SLC16A11: variants seen among roughly 807,000 people sequenced by gnomAD.
SLC16A11 encodes monocarboxylate transporter 11.
SLC16A11 carries 24 observed loss-of-function variants against 26.0 expected under a neutral mutation model. The ratio of observed to expected loss-of-function variants is 0.92; its 90% CI spans 0.67 to 1.30. The LOEUF (loss-of-function observed/expected upper bound fraction) is 1.30, where lower values mean the gene tolerates loss of function less well. Ranked by LOEUF, SLC16A11 falls within the 50% of genes most tolerant of loss-of-function variation. The pLI is 0.00. For synonymous variants in SLC16A11, 332 were observed against 296.0 expected, an observed-to-expected ratio of 1.12 and a Z score of -1.25; for missense variants, 638 against 597.7, an observed-to-expected ratio of 1.07 and a Z score of -0.70.
At position 7,043,302 on chromosome 17, in the gene SLC16A11, C is replaced by A. The variant is rs765435368; in HGVS notation, c.202+10G>T. ...CCCGTTCCTGTCTCCCGCCTCAGGG[C>A]CCCCCTCACTGGCTGCCTGCTGCAC... On this transcript the variant is annotated intron_variant, in intron 2 of 4. Coordinates refer to ENST00000574600, the MANE Select transcript of SLC16A11 (RefSeq NM_001370549.1). 4 of 1,599,224 alleles carry A rather than the reference C, an allele frequency of 2.5e-6. No individual in the cohort carries two copies. Among genetic ancestry groups the A allele is most frequent in the South Asian group, 2.2e-5 (2 of 90,330 alleles).
At chr17:7,043,673 C>T (rs1910877588) in intron 1 of SLC16A11, 102 bp downstream of exon 1, 4 of 1,438,644 alleles carry the variant, frequency 2.8e-6, no homozygotes, top group Non-Finnish European at 3.6e-6. Context: ...CGGAGCCTGG[C>T]CTAGGGCTGG....
chr17:7,042,806 C>T lies in SLC16A11; in HGVS notation c.347-43G>A. 1.3e-6 allele frequency: 2 copies of T among 1,550,852 alleles called. No homozygotes were observed. Among genetic ancestry groups the T allele is most frequent in the South Asian group, 1.2e-5 (1 of 85,006 alleles). On this transcript the variant is annotated intron_variant, in intron 3 of 4. Transcript: ENST00000574600. This position sits in a 1 kb window ranked among gnomAD's most constrained non-coding sequence, Gnocchi z 5.9. ...GGGATGGGGGCCGGCACTGGGGACG[C>T]CCGCCCCAGCATTCCCAGCCCGGCT...
Position 7,043,159 on chromosome 17 carries a change from G to A in SLC16A11, c.203-86C>T. On this transcript the variant is annotated intron_variant, in intron 2 of 4. Transcript: ENST00000574600. ...TTCTCATTGGCTGTTTGCCTCCCTC[G>A]AACTAATGGTTCTTCTCCTTGACCT... 4 of 1,458,074 alleles carry A rather than the reference G, an allele frequency of 2.7e-6. No homozygotes were observed. In the South Asian group the frequency reaches 5.7e-5, roughly 21 times the overall value. The allele number at this position is 1,458,074 out of a possible 1,614,324, so 90.3% of individuals were successfully genotyped here. A position where few individuals can be genotyped will look rare whatever the true frequency, so the allele number is the denominator to read the frequency against.
Position 7,042,745 on chromosome 17 carries a change from A to C in SLC16A11, c.365T>G (p.Val122Gly), listed in dbSNP as rs781270721. The change falls in exon 4 of 5, where the codon GTG becomes GGG. Residue 122 changes from valine to glycine, a missense_variant. Physicochemically the swap from Val to Gly is moderately radical, Grantham distance 109 (BLOSUM62 -3). Transcript: ENST00000574600. This position sits in a 1 kb window ranked among gnomAD's most constrained non-coding sequence, Gnocchi z 5.9. The stretch of plus-strand genomic sequence containing the variant: ...GAGGGTGCCTAGGGCGGGGGCGAAC[A>C]CCAGGGCCCAACCAAAGCCTGCGAA... ...GLLAGFGWAL[V>G]FAPALGTLSR... is the part of the protein sequence containing the mutation. The C allele has an allele frequency of 7.1e-6, 11 of 1,539,230 alleles. No individual in the cohort carries two copies. The highest frequency in any genetic ancestry group is 9.6e-6 in the Non-Finnish European group (11 of 1,145,702).
chr17:7,043,256 C>G (rs1019166024), intron 2 of SLC16A11, 56 bp downstream of exon 2: 42 of 1,558,412 alleles, frequency 2.7e-5, no homozygotes, highest in Non-Finnish European at 3.5e-5. Flanking sequence ...TCTCCCATCC[C>G]TCCACTCACG....
intron 1 of SLC16A11, 34 bp downstream of exon 1, chr17:7,043,741 G>T: frequency 1.1e-6 from 1 of 882,648 alleles, no homozygotes; most frequent in Non-Finnish European, 1.6e-6. Flanking sequence ...CAGGCCCGAG[G>T]TTCCCCGTCC....
In SLC16A11 at chr17:7,042,641, C is replaced by T. The variant is rs763732553; in HGVS notation, c.469G>A (p.Ala157Thr). 17 of 1,570,474 alleles carry T rather than the reference C, an allele frequency of 1.1e-5. No homozygotes were observed. In the South Asian group the frequency reaches 2.0e-4, roughly 18 times the overall value. ...TCGAGAAGAAGCTGCAAGGCGGGCG[C>T]CAGGAGCAGCGAGGAGGCCCCGTTG... ...TGNGASSLLL[A>T]PALQLLLDTF... The change falls in exon 4 of 5, where the codon GCG (alanine) becomes ACG (threonine). Residue 157 changes from alanine (A) to threonine (T), a missense_variant. Transcript: ENST00000574600. The surrounding 1 kb of genome is among the most constrained non-coding windows in gnomAD (Gnocchi z 5.9).
rs191656427 is a variant in SLC16A11 at position 7,042,355 on chromosome 17, C to T, written c.755G>A (p.Gly252Glu). The change falls in exon 4 of 5, where the codon GGA becomes GAA. Residue 252 changes from glycine (G) to glutamate (E), a missense_variant. By Grantham distance (98) the Gly-to-Glu change is moderately conservative (BLOSUM62 -2). Transcript: ENST00000574600. This position sits in a 1 kb window ranked among gnomAD's most constrained non-coding sequence, Gnocchi z 5.9. The part of the protein sequence containing the change: ...APHALDRGLG[G>E]YGAALVVAVA... ...GGCCACCACCAGCGCTGCTCCGTAT[C>T]CCCCCAGGCCCCGGTCTAAAGCGTG... The T allele has an allele frequency of 1.3e-6, 2 of 1,558,838 alleles. No homozygotes were observed. Among genetic ancestry groups the T allele is most frequent in the South Asian group, 1.2e-5 (1 of 84,818 alleles).
chr17:7,043,226 T>C, intron 2 of SLC16A11, 86 bp downstream of exon 2: 2 of 1,513,744 alleles, frequency 1.3e-6, no homozygotes, highest in East Asian at 2.3e-5. Context: ...CTTTCTCAGG[T>C]TGTCGGGTAA....
Position 7,043,358 on chromosome 17 carries a change from G to A in SLC16A11, c.156C>T (p.Asp52=). The A allele has an allele frequency of 1.2e-6, 2 of 1,610,556 alleles. No homozygotes were observed. Among genetic ancestry groups the A allele is most frequent in the Non-Finnish European group, 1.7e-6 (2 of 1,179,886 alleles). ...LAEHFDRSAQ[D]TAWISALALA... ...GGGCCAGGGCGCTGATCCACGCAGT[G>A]TCCTGGGCGCTTCGGTCAAAGTGCT... Residue 52 remains aspartate, a synonymous_variant, in exon 2 of 5, where the codon GAC becomes GAT. Coordinates refer to ENST00000574600, the MANE Select transcript of SLC16A11 (RefSeq NM_001370549.1).
Position 7,041,740 on chromosome 17 carries a change from G to A in SLC16A11, c.1283C>T (p.Ala428Val), listed in dbSNP as rs542081699. ...TGGGGACAGCAAGACTGCCTGGGGA[G>A]CGGGAAGCAGCTCCCCCGTCTCTGG... The part of the protein sequence containing the change: ...PPPETGELLP[A>V]PQAVLLSPGG... Residue 428 changes from alanine (A) to valine (V), a missense_variant, in exon 5 of 5, where the codon GCT (alanine) becomes GTT (valine). Physicochemically the swap from Ala to Val is moderately conservative, Grantham distance 64. Transcript: ENST00000574600. 1.6e-5 allele frequency: 26 copies of A among 1,613,370 alleles called. No individual in the cohort carries two copies. In the East Asian group the frequency reaches 5.3e-4, roughly 33 times the overall value.
rs191656427 is a variant in SLC16A11 at position 7,042,355 on chromosome 17, C to A, written c.755G>T (p.Gly252Val). Residue 252 changes from glycine to valine, a missense_variant, in exon 4 of 5, where the codon GGA becomes GTA. Gly to Val is a moderately radical substitution (Grantham distance 109). Transcript: ENST00000574600. The surrounding 1 kb of genome is among the most constrained non-coding windows in gnomAD (Gnocchi z 5.9). ...APHALDRGLG[G>V]YGAALVVAVA... ...GGCCACCACCAGCGCTGCTCCGTAT[C>A]CCCCCAGGCCCCGGTCTAAAGCGTG... The A allele has an allele frequency of 1.9e-5, 30 of 1,558,838 alleles. No homozygotes were observed. In the African/African-American group the frequency reaches 2.9e-4, roughly 15 times the overall value.
rs1037010388 is a variant in SLC16A11 at position 7,041,836 on chromosome 17, C to A, written c.1187G>T (p.Ser396Ile). ...CCTGGGCAACCCTATGTAGATGAAG[C>A]TGCCGGAGAGGATCAAAGAACCAGA... is the stretch of plus-strand genomic sequence containing the variant. Reference protein sequence around the residue: ...LLSGSLILSGSFIYIGLPRAL... With the variant: ...LLSGSLILSGIFIYIGLPRAL... The change falls in exon 5 of 5, where the codon AGC (serine) becomes ATC (isoleucine). Residue 396 changes from serine (S) to isoleucine (I), a missense_variant. Physicochemically the swap from Ser to Ile is moderately radical, Grantham distance 142. Coordinates refer to ENST00000574600, the MANE Select transcript of SLC16A11 (RefSeq NM_001370549.1). 4.3e-6 allele frequency: 7 copies of A among 1,613,998 alleles called. No homozygotes were observed. Among genetic ancestry groups the A allele is most frequent in the Non-Finnish European group, 5.9e-6 (7 of 1,179,986 alleles).
rs1003727780 is a variant in SLC16A11, at chr17:7,043,167, G to C, written c.203-94C>G. 4.8e-6 allele frequency: 7 copies of C among 1,458,166 alleles called. No individual in the cohort carries two copies. In the Admixed American group the frequency reaches 1.9e-4, roughly 39 times the overall value. The allele number at this position is 1,458,166 out of a possible 1,614,324, so 90.3% of individuals were successfully genotyped here. ...GGCTGTTTGCCTCCCTCGAACTAAT[G>C]GTTCTTCTCCTTGACCTCAAGATGC... On this transcript the variant is annotated intron_variant, in intron 2 of 4. Coordinates refer to ENST00000574600, the MANE Select transcript of SLC16A11 (RefSeq NM_001370549.1).
Position 7,043,527 on chromosome 17 carries a change from G to T in SLC16A11, c.-6-8C>A. The T allele has an allele frequency of 1.9e-6, 3 of 1,596,610 alleles. No homozygotes were observed. The highest frequency in any genetic ancestry group is 2.5e-6 in the Non-Finnish European group (3 of 1,177,924). ...CTGGGGGGTCATCGCCGTCTGCGGGGTGGGGAAACATCTGTGAGAGAAGCC... is the reference window on the plus strand; with the variant it reads ...CTGGGGGGTCATCGCCGTCTGCGGGTTGGGGAAACATCTGTGAGAGAAGCC... On this transcript the variant is annotated splice_region_variant and splice_polypyrimidine_tract_variant and intron_variant, in intron 1 of 4. Transcript: ENST00000574600.
Position 7,042,952 on chromosome 17 carries a change from G to A in SLC16A11, c.324C>T (p.Tyr108=), listed in dbSNP as rs1308041106. 6.2e-7 allele frequency: 1 copy of A among 1,613,140 alleles called. No homozygotes were observed. The highest frequency in any genetic ancestry group is 1.1e-5 in the South Asian group (1 of 90,984). The part of the protein sequence containing the change: ...SAFASDLLHL[Y]LGLGLLAGFG... ...CACCAGCGAGGAGGCCCAGGCCGAG[G>A]TAGAGATGCAGCAGATCGCTGGCGA... The change falls in exon 3 of 5, where the codon TAC becomes TAT. Residue 108 remains tyrosine, a synonymous_variant. Transcript: ENST00000574600. This position sits in a 1 kb window ranked among gnomAD's most constrained non-coding sequence, Gnocchi z 5.9.
chr17:7,044,092 G>C lies in SLC16A11; in HGVS notation c.-324C>G, dbSNP rs891309869. The stretch of plus-strand genomic sequence containing the variant: ...GGGGGAGGGGGGAGCGGCGAGAAAT[G>C]AATGCAGAGGGGCCCTGCCCTACTC... On this transcript the variant is annotated 5_prime_UTR_variant, in exon 1 of 5. Coordinates refer to ENST00000574600, the MANE Select transcript of SLC16A11 (RefSeq NM_001370549.1). Among the ~76,000 whole-genome samples, 6 of 152,180 alleles carry C rather than the reference G, an allele frequency of 3.9e-5. No homozygotes were observed. Among genetic ancestry groups the C allele is most frequent in the African/African-American group, 1.4e-4 (6 of 41,440 alleles).
In SLC16A11 at chr17:7,041,737, G is replaced by A; in HGVS notation, c.1286C>T (p.Pro429Leu). ...PPETGELLPA[P>L]QAVLLSPGGP... ...TCCTGGGGACAGCAAGACTGCCTGGGGAGCGGGAAGCAGCTCCCCCGTCTC... is the reference window on the plus strand; with the variant it reads ...TCCTGGGGACAGCAAGACTGCCTGGAGAGCGGGAAGCAGCTCCCCCGTCTC... The change falls in exon 5 of 5, where the codon CCC becomes CTC. Residue 429 changes from proline (P) to leucine (L), a missense_variant. Physicochemically the swap from Pro to Leu is moderately conservative, Grantham distance 98. Transcript: ENST00000574600. The A allele has an allele frequency of 6.2e-7, 1 of 1,613,342 alleles. No homozygotes were observed. Among genetic ancestry groups the A allele is most frequent in the Non-Finnish European group, 8.5e-7 (1 of 1,179,908 alleles).
Position 7,043,343 on chromosome 17 carries a change from G to A in SLC16A11, c.171C>T (p.Ser57=). The change falls in exon 2 of 5, where the codon AGC becomes AGT. Residue 57 remains serine (S), a synonymous_variant. Coordinates refer to ENST00000574600, the MANE Select transcript of SLC16A11 (RefSeq NM_001370549.1). ...DRSAQDTAWI[S]ALALAVQQAA... ...CCTGCTGCACGGCCAGGGCCAGGGC[G>A]CTGATCCACGCAGTGTCCTGGGCGC... 5 of 1,609,916 alleles carry A rather than the reference G, an allele frequency of 3.1e-6. No homozygotes were observed. The highest frequency in any genetic ancestry group is 4.2e-6 in the Non-Finnish European group (5 of 1,179,808).
Sources: gnomAD v4.1 joint callset for allele counts (sites outside exome capture counted in the v4.1 genomes callset) on GRCh38, gnomAD v4.1.1 for gene constraint, Gnocchi (gnomAD v3.1) non-coding constraint, MANE v1.5 for transcripts, NCBI Gene and HGNC (gene_info 2026-07-23, HGNC 2026-07-21) for gene names.